RAP1GAP2: variants seen among roughly 807,000 people sequenced by gnomAD.
RAP1GAP2 encodes the protein rap1 GTPase-activating protein 2.
A neutral mutation model predicts 95.0 loss-of-function variants in RAP1GAP2; 27 were observed. The ratio of observed to expected loss-of-function variants is 0.28; its 90% CI spans 0.21 to 0.39. The LOEUF is 0.39. Among genes scored for constraint, RAP1GAP2 ranks in the 10% least tolerant of loss-of-function variants. The probability of loss-of-function intolerance (pLI) is 1.00; values close to 1 mark genes in which losing one functional copy is unlikely to be tolerated. For missense variants in RAP1GAP2, 771 were observed against 970.0 expected (o/e 0.79, Z 2.72); for synonymous variants, 373 against 380.9 (o/e 0.98, Z 0.24).
rs140652270 is a variant in RAP1GAP2, at chr17:2,856,268, T to C, written c.81-49016T>C. ...TTCTGAGTATAGAATGGGTGGTGGT[T>C]GGGGGGTGGAGAGGAAAAGCCCCCT... On this transcript the variant is annotated intron_variant, in intron 2 of 24. Coordinates refer to ENST00000254695, the MANE Select transcript of RAP1GAP2 (RefSeq NM_015085.5). Among the ~76,000 whole-genome samples, 180 of 152,134 alleles carry C rather than the reference T, an allele frequency of 1.2e-3. 2 individuals are homozygous for C. The East Asian group carries it at 0.03, about 25-fold the overall frequency.
chr17:2,938,789 T>A (rs1299480918), intron 3 of RAP1GAP2, among the ~76,000 whole-genome samples: 1 of 151,860 alleles, frequency 6.6e-6, no homozygotes, highest in African/African-American at 2.4e-5. Flanking sequence ...GAGTTTGAGA[T>A]CAGCCTGGCC....
chr17:2,846,726 G>T (rs545798627), intron 2 of RAP1GAP2, among the ~76,000 whole-genome samples: 204 of 152,274 alleles, frequency 1.3e-3, no homozygotes, highest in Middle Eastern at 6.8e-3. Context: ...GCACAGAGGG[G>T]GTGAATTCCT....
chr17:2,980,240 C>T (rs1248941159), intron 8 of RAP1GAP2, 47 bp from the exon 9 acceptor site: 1 of 1,595,630 alleles, frequency 6.3e-7, no homozygotes, highest in African/African-American at 1.3e-5. Context: ...CCCGCGCCCT[C>T]ACTGACTGTT....
chr17:2,839,626 C>A (rs903313490), intron 2 of RAP1GAP2, among the ~76,000 whole-genome samples: 1 of 152,176 alleles, frequency 6.6e-6, no homozygotes, highest in African/African-American at 2.4e-5. Context: ...TCCTTAGACT[C>A]CTCTTGGCTG....
At chr17:3,018,223 G>C in intron 18 of RAP1GAP2, 25 bp downstream of exon 18, 2 of 1,541,088 alleles carry the variant, frequency 1.3e-6, no homozygotes, top group East Asian at 2.5e-5. Context: ...GCCCCGGGGC[G>C]GCAAGTGGGT....
chr17:2,954,575 T>C (rs2044043426), intron 3 of RAP1GAP2, among the ~76,000 whole-genome samples: 1 of 150,576 alleles, frequency 6.6e-6, no homozygotes. Flanking sequence ...AGTACTTATT[T>C]ATTTATTTAT....
chr17:3,023,626 T>G (rs2047020141), intron 19 of RAP1GAP2, among the ~76,000 whole-genome samples: 1 of 152,118 alleles, frequency 6.6e-6, no homozygotes, highest in Non-Finnish European at 1.5e-5. Context: ...TTTTAAAAAT[T>G]TTTATTTTAC....
rs767917579 is a variant in RAP1GAP2 at position 2,800,560 on chromosome 17, A to G, written c.80+10A>G. 14 of 1,611,872 alleles carry G rather than the reference A, an allele frequency of 8.7e-6. No individual in the cohort carries two copies. On this transcript the variant is annotated intron_variant, in intron 2 of 24. Coordinates refer to ENST00000254695, the MANE Select transcript of RAP1GAP2 (RefSeq NM_015085.5). ...CAAGTCTGAAGGTCAAGTAAGTAGCAATTTCCTGTTCTGTAAAGGTCAGAG... is the reference window on the plus strand; with the variant it reads ...CAAGTCTGAAGGTCAAGTAAGTAGCGATTTCCTGTTCTGTAAAGGTCAGAG...
rs1597853483 is a variant in RAP1GAP2 at position 3,005,572 on chromosome 17, A to G, written c.1272+132A>G. On this transcript the variant is annotated intron_variant, in intron 15 of 24. Coordinates refer to ENST00000254695, the MANE Select transcript of RAP1GAP2 (RefSeq NM_015085.5). The surrounding 1 kb of genome is among the most constrained non-coding windows in gnomAD (Gnocchi z 5.2). ...GCTCCTTTTGCAGGTTTTGGGGGGA[A>G]CCTCCTTTCTTGGGGTCTCTCCCCA... 1.6e-5 allele frequency: 17 copies of G among 1,051,028 alleles called. No individual in the cohort carries two copies. In the South Asian group the frequency reaches 2.1e-4, roughly 13 times the overall value. 65.1% of individuals were successfully genotyped at this position (1,051,028 alleles called of 1,614,324 possible).
rs575049081 is a variant in RAP1GAP2, at chr17:2,799,872, G to A, written c.45-643G>A. ...CGGCGCTGTCTCCCCTTCCAGTGAGGGCGGGCACAGGCTGGGGATGGAGGA... is the reference window on the plus strand; with the variant it reads ...CGGCGCTGTCTCCCCTTCCAGTGAGAGCGGGCACAGGCTGGGGATGGAGGA... On this transcript the variant is annotated intron_variant, in intron 1 of 24. Coordinates refer to ENST00000254695, the MANE Select transcript of RAP1GAP2 (RefSeq NM_015085.5). 2.6e-5 allele frequency among the ~76,000 whole-genome samples: 4 copies of A among 152,312 alleles called. No homozygotes were observed. In the South Asian group the frequency reaches 8.3e-4, roughly 32 times the overall value.
rs117352221 is a variant in RAP1GAP2, at chr17:3,016,880, T to A, written c.1495-1181T>A. Among the ~76,000 whole-genome samples, 677 of 152,306 alleles carry A rather than the reference T, an allele frequency of 4.4e-3. 16 individuals are homozygous for A. In the East Asian group the frequency reaches 0.089, roughly 20 times the overall value. On this transcript the variant is annotated intron_variant, in intron 17 of 24. Transcript: ENST00000254695. ...GGAGTAGAGGGCCCAGAAGCCCAGA[T>A]ACAAATCCTGGCAGTGAAACCCTAA...
At chr17:2,885,028 CTTTTTTTTTTTT>C (rs891984333) in intron 2 of RAP1GAP2, among the ~76,000 whole-genome samples, 4 of 112,496 alleles carry the variant, frequency 3.6e-5, no homozygotes, top group Middle Eastern at 6.3e-3. Flanking sequence ...TTATTTCTTT[CTTTTTTTTTTTT>C]TTTTTTTTTT....
At chr17:2,933,692 C>G (rs1327221144) in intron 3 of RAP1GAP2, among the ~76,000 whole-genome samples, 1 of 152,248 alleles carries the variant, frequency 6.6e-6, no homozygotes, top group Admixed American at 6.5e-5. Context: ...GCCTAACCCT[C>G]TAGTTGACCC....
At chr17:2,773,301 A>G (rs958799118), upstream of RAP1GAP2, among the ~76,000 whole-genome samples, 1 of 152,086 alleles carries the variant, frequency 6.6e-6, no homozygotes, top group Non-Finnish European at 1.5e-5. Context: ...TTCCCTAAGA[A>G]CTCACCCTAC....
intron 2 of RAP1GAP2, among the ~76,000 whole-genome samples, chr17:2,859,105 A>G (rs546959542): frequency 1.4e-5 from 2 of 143,396 alleles, no homozygotes; most frequent in Non-Finnish European, 3.0e-5. Flanking sequence ...TTTTCCTCCA[A>G]CTCTTTTTTT....
At chr17:2,941,094 T>G (rs185067812) in intron 3 of RAP1GAP2, among the ~76,000 whole-genome samples, 1 of 152,328 alleles carries the variant, frequency 6.6e-6, no homozygotes, top group Admixed American at 6.5e-5. Context: ...TGATCTCACC[T>G]GATTGATGTT....
At chr17:2,809,002 G>A (rs80223682) in intron 2 of RAP1GAP2, among the ~76,000 whole-genome samples, 3,074 of 152,286 alleles carry the variant, frequency 0.02, 103 homozygotes, top group African/African-American at 0.07. Context: ...CAGGGAAGGC[G>A]AGCGCTTAGC....
rs2046410793 is a variant in RAP1GAP2, at chr17:3,008,630, A to G, written c.1494+485A>G. On this transcript the variant is annotated intron_variant, in intron 17 of 24. Coordinates refer to ENST00000254695, the MANE Select transcript of RAP1GAP2 (RefSeq NM_015085.5). The surrounding 1 kb of genome is among the most constrained non-coding windows in gnomAD (Gnocchi z 4.2). ...CTGGCTGGGCAGGGGCCATGGAACT[A>G]TAGGCAAGTCCCTTTGGACTTTGCC... Among the ~76,000 whole-genome samples, 1 of 152,206 alleles carries G rather than the reference A, an allele frequency of 6.6e-6. No individual in the cohort carries two copies. Among genetic ancestry groups the G allele is most frequent in the Admixed American group, 6.5e-5 (1 of 15,278 alleles).
In RAP1GAP2 at chr17:2,944,983, C is replaced by T. The variant is rs933656939; in HGVS notation, c.166-12776C>T. Among the ~76,000 whole-genome samples, 6 of 152,108 alleles carry T rather than the reference C, an allele frequency of 3.9e-5. No individual in the cohort carries two copies. The East Asian group carries it at 5.8e-4, about 15-fold the overall frequency. ...CTGCAAGCTCTGTCTCCCGGGTTCA[C>T]GTCATTCTCCTGCCTCAGTAGCTGG... On this transcript the variant is annotated intron_variant, in intron 3 of 24. Transcript: ENST00000254695.
Sources: gnomAD v4.1 joint callset for allele counts (sites outside exome capture counted in the v4.1 genomes callset) on GRCh38, gnomAD v4.1.1 for gene constraint, Gnocchi (gnomAD v3.1) non-coding constraint, MANE v1.5 for transcripts, NCBI Gene and HGNC (gene_info 2026-07-23, HGNC 2026-07-21) for gene names.